Variants in CCDC141 observed in about 807,000 individuals in gnomAD.
CCDC141 encodes the protein coiled-coil domain containing 141, also known as coiled-coil domain-containing protein 141.
Under a neutral mutation model 181.0 loss-of-function variants are expected in CCDC141, and 168 were observed. The observed-to-expected ratio is 0.93, with a 90% CI of 0.82 to 1.05. The LOEUF is 1.05. Among genes scored for constraint, CCDC141 ranks in the 50% least tolerant of loss-of-function variants. The probability of loss-of-function intolerance (pLI) is 0.00; values close to 1 mark genes in which losing one functional copy is unlikely to be tolerated. For synonymous variants in CCDC141, 666 were observed against 642.3 expected (o/e 1.04, Z -0.56); for missense variants, 1,902 against 1,788.5 (o/e 1.06, Z -1.14).
rs1684302272 is a variant in CCDC141, at chr2:178,832,551, T to C, written c.*1622A>G. On this transcript the variant is annotated 3_prime_UTR_variant, in exon 24 of 24. Coordinates refer to ENST00000443758, the MANE Select transcript of CCDC141 (RefSeq NM_173648.4). Reference sequence around the variant, plus strand: ...ATGCTGTGTATACAAGCTTTTAATATAGTTCTATCAAAATTTAGAAGGAAA... The same window carrying C: ...ATGCTGTGTATACAAGCTTTTAATACAGTTCTATCAAAATTTAGAAGGAAA... The C allele has an allele frequency of 1.3e-5, 2 of 150,734 alleles. No individual in the cohort carries two copies. The highest frequency in any genetic ancestry group is 2.4e-5 in the African/African-American group (1 of 41,044). 9.3% of individuals were successfully genotyped at this position (150,734 alleles called of 1,614,324 possible).
chr2:178,846,760 A>G (rs1684956126), intron 21 of CCDC141, among the ~76,000 whole-genome samples: 1 of 152,166 alleles, frequency 6.6e-6, no homozygotes, highest in Non-Finnish European at 1.5e-5. Context: ...CCCTCTTTGG[A>G]CTTTTCCTTT....
intron 2 of CCDC141, chr2:179,002,613 A>G (rs2042016999): frequency 3.7e-6 from 1 of 267,046 alleles, no homozygotes; most frequent in African/African-American, 2.3e-5. Flanking sequence ...TACAACATAA[A>G]TGCTGCTATG....
downstream of CCDC141, among the ~76,000 whole-genome samples, chr2:178,828,327 G>T (rs532109445): frequency 1.7e-4 from 26 of 152,142 alleles, no homozygotes; most frequent in South Asian, 5.2e-3. Context: ...ATCCCTTCCA[G>T]TTTTACATAT....
intron 7 of CCDC141, among the ~76,000 whole-genome samples, chr2:178,917,018 C>T (rs889147595): frequency 6.6e-6 from 1 of 150,512 alleles, no homozygotes; most frequent in African/African-American, 2.4e-5. Context: ...CAGCAAAGTA[C>T]AAAATAATGA....
intron 2 of CCDC141, among the ~76,000 whole-genome samples, chr2:178,986,569 C>T (rs1394520922): frequency 1.3e-5 from 2 of 151,944 alleles, no homozygotes; most frequent in East Asian, 1.9e-4. Context: ...TAGAAAACCC[C>T]ATTGTCTCAG....
intron 21 of CCDC141, among the ~76,000 whole-genome samples, chr2:178,848,973 A>G (rs924927358): frequency 3.9e-5 from 6 of 152,182 alleles, no homozygotes; most frequent in African/African-American, 1.4e-4. Flanking sequence ...AGAAAGAAAA[A>G]GCTATGCACG....
In CCDC141 at chr2:179,015,067, G is replaced by GAT. The variant is rs1177070237; in HGVS notation, c.225+32215_225+32216dup. ...GTGGATAAACTGTGAGAGAGACAGA[G>GAT]ATATATATATATATATATATATATA... On this transcript the variant is annotated intron_variant, in intron 2 of 23. Coordinates refer to ENST00000443758, the MANE Select transcript of CCDC141 (RefSeq NM_173648.4). Among the ~76,000 whole-genome samples the GAT allele has an allele frequency of 7.6e-3, 302 of 39,544 alleles. 3 individuals carry two copies. Among genetic ancestry groups the GAT allele is most frequent in the South Asian group, 0.015 (18 of 1,198 alleles). The allele number at this position is 39,544 out of a possible 152,430, so 25.9% of individuals were successfully genotyped here.
intron 8 of CCDC141, among the ~76,000 whole-genome samples, chr2:178,891,298 C>A (rs1687136284): frequency 6.6e-6 from 1 of 152,128 alleles, no homozygotes; most frequent in Non-Finnish European, 1.5e-5. Flanking sequence ...ACCCTGTGAG[C>A]TGAGTAGGAT....
At chr2:179,038,629 CTT>C (rs1418492712) in intron 2 of CCDC141, among the ~76,000 whole-genome samples, 3 of 152,150 alleles carry the variant, frequency 2.0e-5, no homozygotes, top group Non-Finnish European at 4.4e-5. Flanking sequence ...TTTTGTAAGA[CTT>C]TTAGTTTTAC....
Position 178,908,071 on chromosome 2 carries a change from C to A in CCDC141, c.1093-2570G>T, listed in dbSNP as rs999718513. 2.6e-5 allele frequency among the ~76,000 whole-genome samples: 4 copies of A among 152,164 alleles called. No individual in the cohort carries two copies. The East Asian group carries it at 7.7e-4, about 29-fold the overall frequency. ...TGATTTAATGACTTTCCCTATCCTT[C>A]CATAACCCATCGAAACATCATTTGC... On this transcript the variant is annotated intron_variant, in intron 7 of 23. Transcript: ENST00000443758.
At chr2:179,012,156 C>T (rs903343705) in intron 2 of CCDC141, among the ~76,000 whole-genome samples, 2 of 151,764 alleles carry the variant, frequency 1.3e-5, no homozygotes, top group African/African-American at 4.8e-5. Flanking sequence ...AACAAACAAA[C>T]AAAATACAAA....
chr2:178,897,851 A>C (rs1298213640), intron 8 of CCDC141, among the ~76,000 whole-genome samples: 2 of 152,202 alleles, frequency 1.3e-5, no homozygotes, highest in Admixed American at 6.5e-5. Flanking sequence ...CCCTCACACA[A>C]GGTCCTGGAC....
chr2:178,944,915 TCTC>T (rs1317017252), intron 5 of CCDC141, among the ~76,000 whole-genome samples: 1 of 151,818 alleles, frequency 6.6e-6, no homozygotes, highest in Non-Finnish European at 1.5e-5. Context: ...AAAATGAAAA[TCTC>T]CTAACAAAGA....
chr2:178,916,216 G>T (rs1182163421), intron 7 of CCDC141, among the ~76,000 whole-genome samples: 2 of 152,036 alleles, frequency 1.3e-5, no homozygotes, highest in African/African-American at 4.8e-5. Context: ...TCAGTGTTTC[G>T]GAGATAATTC....
intron 4 of CCDC141, among the ~76,000 whole-genome samples, chr2:178,962,229 T>A (rs1172102104): frequency 6.6e-6 from 1 of 152,156 alleles, no homozygotes; most frequent in African/African-American, 2.4e-5. Flanking sequence ...GCCTAAAAAT[T>A]GAAGAACTAC....
At chr2:179,001,016 TC>T (rs2041954757) in intron 2 of CCDC141, among the ~76,000 whole-genome samples, 1 of 152,134 alleles carries the variant, frequency 6.6e-6, no homozygotes, top group Non-Finnish European at 1.5e-5. Context: ...TGGGTGATGC[TC>T]ATTTGCCCAG....
At chr2:178,855,566 T>G in intron 18 of CCDC141, 25 bp from the exon 19 acceptor site, 1 of 1,485,084 alleles carries the variant, frequency 6.7e-7, no homozygotes. Flanking sequence ...AAAAGTTTTT[T>G]AAACAACATT....
At position 178,870,093 on chromosome 2, in the gene CCDC141, G is replaced by A. The variant is rs186297677; in HGVS notation, c.2206-788C>T. On this transcript the variant is annotated intron_variant, in intron 14 of 23. Transcript: ENST00000443758. ...CCAAAAATACAAAAATTAGCTGGGCGTGGTGGCACACACCTGTAATCCCAG... is the reference window on the plus strand; with the variant it reads ...CCAAAAATACAAAAATTAGCTGGGCATGGTGGCACACACCTGTAATCCCAG... Among the ~76,000 whole-genome samples the A allele has an allele frequency of 3.4e-3, 514 of 151,900 alleles. 2 individuals are homozygous for A. The highest frequency in any genetic ancestry group is 0.012 in the African/African-American group (487 of 41,420).
chr2:178,972,504 C>T lies in CCDC141; in HGVS notation c.526+2553G>A, dbSNP rs986766127. Among the ~76,000 whole-genome samples, 5 of 152,118 alleles carry T rather than the reference C, an allele frequency of 3.3e-5. 1 individual carries two copies. Among genetic ancestry groups the T allele is most frequent in the South Asian group, 4.1e-4 (2 of 4,826 alleles). ...CAGGAAGTATAGAGGGAGTCACCAA[C>T]GAATGTGTACATGTCCTGCTAAACT... On this transcript the variant is annotated intron_variant, in intron 4 of 23. Transcript: ENST00000443758.
Sources: allele counts gnomAD v4.1 joint callset (sites outside exome capture counted in the v4.1 genomes callset), GRCh38; gene constraint gnomAD v4.1.1; transcripts MANE v1.5; gene names NCBI Gene and HGNC (gene_info 2026-07-23, HGNC 2026-07-21).